CABLES1: variants seen among roughly 807,000 people sequenced by gnomAD.
CABLES1 encodes CDK5 and ABL1 enzyme substrate 1.
In CABLES1, 36 loss-of-function variants were observed where a neutral mutation model predicts 57.8. The ratio of observed to expected loss-of-function variants is 0.62; its 90% CI spans 0.48 to 0.82. The LOEUF is 0.82. Ranked by LOEUF, CABLES1 falls within the 40% of genes least tolerant of loss-of-function variation. The pLI, the probability that CABLES1 is intolerant of heterozygous loss-of-function variation, is 0.00. For synonymous variants in CABLES1, 374 were observed against 363.0 expected (o/e 1.03, Z -0.35); for missense variants, 767 against 836.6 (o/e 0.92, Z 1.03).
At chr18:23,223,236 C>G (rs957916605) in intron 4 of CABLES1, among the ~76,000 whole-genome samples, 1 of 152,136 alleles carries the variant, frequency 6.6e-6, no homozygotes, top group South Asian at 2.1e-4. Flanking sequence ...AGTCACACAG[C>G]CCCATATTGA....
At chr18:23,173,685 G>A (rs1051762493) in intron 1 of CABLES1, among the ~76,000 whole-genome samples, 13 of 152,192 alleles carry the variant, frequency 8.5e-5, no homozygotes, top group Non-Finnish European at 1.8e-4. Context: ...TATTTTGGCT[G>A]GGCGCAGTGG....
At chr18:23,154,119 AG>A (rs1282373721) in intron 1 of CABLES1, among the ~76,000 whole-genome samples, 1 of 152,208 alleles carries the variant, frequency 6.6e-6, no homozygotes, top group Non-Finnish European at 1.5e-5. Context: ...AAAAATCTAG[AG>A]CAAGATCATT....
intron 8 of CABLES1, 21 bp downstream of exon 8, chr18:23,253,087 C>T (rs1377508957): frequency 7.1e-7 from 1 of 1,410,976 alleles, no homozygotes; most frequent in Non-Finnish European, 1.0e-6. Flanking sequence ...CTGGACTTGC[C>T]TGTGACCTTT....
At position 23,136,467 on chromosome 18, in the gene CABLES1, C is replaced by A. The variant is rs1426428602; in HGVS notation, c.705C>A (p.Gly235=). Residue 235 remains glycine, a synonymous_variant, in exon 1 of 10, where the codon GGC becomes GGA. Transcript: ENST00000256925. ...LGSGTPGSGS[G]SRGRLNSFTQ... is the part of the protein sequence containing the mutation. The stretch of plus-strand genomic sequence containing the variant: ...CCGGGACCCCCGGGAGTGGGAGCGG[C>A]AGTCGGGGACGCCTCAACTCGTTCA... 1 of 1,604,010 alleles carries A rather than the reference C, an allele frequency of 6.2e-7. No individual in the cohort carries two copies. The highest frequency in any genetic ancestry group is 2.3e-5 in the East Asian group (1 of 43,770).
intron 1 of CABLES1, among the ~76,000 whole-genome samples, chr18:23,166,293 T>A (rs2047042267): frequency 6.6e-6 from 1 of 151,886 alleles, no homozygotes; most frequent in African/African-American, 2.4e-5. Context: ...CCTCCGCCTC[T>A]TGGGTTCAAG....
chr18:23,234,748 C>T (rs1287263228), intron 5 of CABLES1, 44 bp downstream of exon 5: 6 of 1,515,092 alleles, frequency 4.0e-6, no homozygotes, highest in Non-Finnish European at 5.5e-6. Context: ...GCTGAAGGCA[C>T]AAGGGTCAGG....
chr18:23,255,529 G>A (rs1237668358), intron 9 of CABLES1, among the ~76,000 whole-genome samples: 1 of 151,758 alleles, frequency 6.6e-6, no homozygotes, highest in Non-Finnish European at 1.5e-5. Context: ...GAATCAGTAG[G>A]CTTATACAGA....
intron 3 of CABLES1, among the ~76,000 whole-genome samples, chr18:23,198,506 G>A (rs965706403): frequency 2.6e-5 from 4 of 152,164 alleles, no homozygotes; most frequent in Admixed American, 6.5e-5. Context: ...ACCTGTTACT[G>A]TGTTAGGTTA....
At chr18:23,199,292 A>G (rs1232098673) in intron 3 of CABLES1, among the ~76,000 whole-genome samples, 2 of 152,050 alleles carry the variant, frequency 1.3e-5, no homozygotes, top group Non-Finnish European at 2.9e-5. Flanking sequence ...TCAAAAAGTT[A>G]AACATAAAAT....
At chr18:23,237,362 C>A in intron 7 of CABLES1, 117 bp downstream of exon 7, 1 of 753,894 alleles carries the variant, frequency 1.3e-6, no homozygotes, top group African/African-American at 1.7e-5. Context: ...TCATGAGGAG[C>A]TCCCCGGTGT....
chr18:23,240,920 TACAG>T (rs948526684), intron 7 of CABLES1, among the ~76,000 whole-genome samples: 6 of 152,240 alleles, frequency 3.9e-5, no homozygotes, highest in African/African-American at 9.6e-5. Context: ...AGGAGTAATT[TACAG>T]ACAATCAGAT....
chr18:23,239,585 G>C (rs1158063238), intron 7 of CABLES1, among the ~76,000 whole-genome samples: 1 of 152,220 alleles, frequency 6.6e-6, no homozygotes, highest in African/African-American at 2.4e-5. Context: ...GGGGCAGTTG[G>C]GGGTGGGGGC....
chr18:23,225,040 G>A (rs774683192), intron 4 of CABLES1, among the ~76,000 whole-genome samples: 23 of 151,930 alleles, frequency 1.5e-4, no homozygotes, highest in Admixed American at 9.8e-4. Context: ...GCTAATTTTT[G>A]TATTTTTTGT....
intron 1 of CABLES1, among the ~76,000 whole-genome samples, chr18:23,150,575 A>G (rs997911385): frequency 6.6e-6 from 1 of 152,070 alleles, no homozygotes; most frequent in Admixed American, 6.5e-5. Flanking sequence ...GCCCTGTGCC[A>G]AGCACTGGGA....
At chr18:23,178,800 A>G (rs1301600316) in intron 1 of CABLES1, among the ~76,000 whole-genome samples, 1 of 152,256 alleles carries the variant, frequency 6.6e-6, no homozygotes, top group Non-Finnish European at 1.5e-5. Context: ...TTGAAACAAA[A>G]GTAAACTCAG....
At chr18:23,194,592 A>G in intron 3 of CABLES1, 52 bp downstream of exon 3, 3 of 1,227,432 alleles carry the variant, frequency 2.4e-6, no homozygotes, top group Non-Finnish European at 3.6e-6. Flanking sequence ...GGAGACAGGG[A>G]CTGGAGGAGG....
At chr18:23,253,534 A>G (rs377542329) in intron 8 of CABLES1, among the ~76,000 whole-genome samples, 195 bp from the exon 9 acceptor site, 23 of 152,344 alleles carry the variant, frequency 1.5e-4, no homozygotes, top group African/African-American at 5.5e-4. Context: ...ACCAACAGAG[A>G]AGAGGCCAAA....
Position 23,240,167 on chromosome 18 carries a change from T to G in CABLES1, c.1446+2922T>G, listed in dbSNP as rs114621620. ...CAGGAAATGATGGAAGGGTTGGACG[T>G]GGGCCCCAGGGGGTAGGCCTCAAGG... On this transcript the variant is annotated intron_variant, in intron 7 of 9. Transcript: ENST00000256925. Among the ~76,000 whole-genome samples the G allele has an allele frequency of 7.5e-3, 1,144 of 152,160 alleles. 11 individuals are homozygous for G. The highest frequency in any genetic ancestry group is 0.026 in the African/African-American group (1,091 of 41,496).
At chr18:23,180,619 C>T (rs528817357) in intron 1 of CABLES1, among the ~76,000 whole-genome samples, 2 of 152,240 alleles carry the variant, frequency 1.3e-5, no homozygotes, top group South Asian at 2.1e-4. Context: ...TGTGTTCAAG[C>T]GTGCCTCAGC....
Sources: allele counts gnomAD v4.1 joint callset (sites outside exome capture counted in the v4.1 genomes callset), GRCh38; gene constraint gnomAD v4.1.1; transcripts MANE v1.5; gene names NCBI Gene and HGNC (gene_info 2026-07-23, HGNC 2026-07-21).